The following BOP1 variants were observed in gnomAD, a reference collection of about 807,000 sequenced individuals.
BOP1 encodes BOP1 ribosomal biogenesis factor, also known as ribosome biogenesis protein BOP1.
Under a neutral mutation model 82.9 loss-of-function variants are expected in BOP1, and 54 were observed. The ratio of observed to expected loss-of-function variants is 0.65; its 90% confidence interval spans 0.52 to 0.82. BOP1 has a LOEUF of 0.82. Ranked by LOEUF, BOP1 falls within the 40% of genes least tolerant of loss-of-function variation. The pLI is 0.00. For synonymous variants in BOP1, 566 were observed against 451.1 expected, an observed-to-expected ratio of 1.25 and a Z score of -3.23; for missense variants, 1,170 against 1,072.0, an observed-to-expected ratio of 1.09 and a Z score of -1.28.
intron 3 of BOP1, among the ~76,000 whole-genome samples, chr8:144,273,858 G>A (rs1302860602): frequency 3.9e-5 from 6 of 151,982 alleles, no homozygotes; most frequent in South Asian, 4.1e-4. Flanking sequence ...GGCTCCGCCC[G>A]CCTCCCTCCG....
At chr8:144,272,898 A>G (rs1845513237) in intron 3 of BOP1, among the ~76,000 whole-genome samples, 3 of 152,110 alleles carry the variant, frequency 2.0e-5, no homozygotes. Context: ...ACCCACCCAC[A>G]GCCTGGGTAG....
intron 2 of BOP1, 57 bp from the exon 3 acceptor site, chr8:144,276,361 T>TG (rs1845568127): frequency 1.9e-6 from 3 of 1,589,090 alleles, no homozygotes; most frequent in African/African-American, 1.3e-5. Context: ...CCTTTGACCT[T>TG]GGGGGGATCC....
Position 144,273,119 on chromosome 8 carries a change from C to T in BOP1, c.390+3105G>A, listed in dbSNP as rs1471267632. Reference sequence around the variant, plus strand: ...CGCCGGGAAACCTGAGCCGAGGCCGCGCCGCCAGCAGCGACGCAAGCCTGA... The same window carrying T: ...CGCCGGGAAACCTGAGCCGAGGCCGTGCCGCCAGCAGCGACGCAAGCCTGA... On this transcript the variant is annotated intron_variant, in intron 3 of 15. Transcript: ENST00000569669. Among the ~76,000 whole-genome samples the T allele has an allele frequency of 2.6e-5, 4 of 152,258 alleles. No individual in the cohort carries two copies. The East Asian group carries it at 7.7e-4, about 29-fold the overall frequency.
In BOP1 at chr8:144,263,997, C is replaced by T; in HGVS notation, c.1124G>A (p.Arg375Gln). ...CCCACACACCCTCATCTTGCGCTGC[C>T]GTGGGCACAGGTACAGGTCAAGGCA... ...ERCLDLYLCPRQRKMRVNVDP... is the reference protein window; with the variant it reads ...ERCLDLYLCPQQRKMRVNVDP... Residue 375 changes from arginine to glutamine, a missense_variant, in exon 8 of 16, where the codon CGG (arginine) becomes CAG (glutamine). By Grantham distance (43) the Arg-to-Gln change is conservative. Transcript: ENST00000569669. 4.3e-6 allele frequency: 7 copies of T among 1,609,336 alleles called. No individual in the cohort carries two copies. Among genetic ancestry groups the T allele is most frequent in the Non-Finnish European group, 5.1e-6 (6 of 1,179,782 alleles).
chr8:144,286,463 C>T (rs566147650), intron 2 of BOP1, among the ~76,000 whole-genome samples: 1 of 118,892 alleles, frequency 8.4e-6, no homozygotes, highest in Non-Finnish European at 1.8e-5. Context: ...GGTGCATGGG[C>T]GCCACGGCAG....
In BOP1 at chr8:144,264,530, C is replaced by G. The variant is rs1159055553; in HGVS notation, c.750G>C (p.Leu250=). The G allele has an allele frequency of 1.9e-6, 3 of 1,610,228 alleles. No homozygotes were observed. Among genetic ancestry groups the G allele is most frequent in the Admixed American group, 1.7e-5 (1 of 59,764 alleles). The change falls in exon 6 of 16, where the codon CTG becomes CTC. Residue 250 remains leucine, a synonymous_variant. Transcript: ENST00000569669. ...PADKRSFIPS[L]VEKEKVSRMV... The stretch of plus-strand genomic sequence containing the variant: ...TGTGCCCCACCTTCTCCTTCTCCAC[C>G]AGGGAGGGGATGAAGCTGCGCTTGT...
chr8:144,290,451 G>A (rs1554840017), intron 1 of BOP1, among the ~76,000 whole-genome samples: 3 of 152,230 alleles, frequency 2.0e-5, no homozygotes, highest in African/African-American at 7.2e-5. Flanking sequence ...TCTCACTTAA[G>A]GTACGACCTG....
At chr8:144,273,338 G>C (rs1845522251) in intron 3 of BOP1, among the ~76,000 whole-genome samples, 1 of 151,260 alleles carries the variant, frequency 6.6e-6, no homozygotes, top group Non-Finnish European at 1.5e-5. Flanking sequence ...AGCCCAGGCA[G>C]GGTCAGGGGC....
At chr8:144,273,759 G>A (rs1475414721) in intron 3 of BOP1, among the ~76,000 whole-genome samples, 5 of 152,202 alleles carry the variant, frequency 3.3e-5, no homozygotes, top group African/African-American at 4.8e-5. Context: ...GTGGCCATGC[G>A]GGGGCGGGGC....
intron 2 of BOP1, among the ~76,000 whole-genome samples, chr8:144,283,425 A>T (rs548773470): frequency 6.6e-6 from 1 of 152,178 alleles, no homozygotes; most frequent in South Asian, 2.1e-4. Flanking sequence ...CAGGGAAGAG[A>T]CAGAAGGGCT....
chr8:144,279,808 G>A (rs948069267), intron 2 of BOP1, among the ~76,000 whole-genome samples: 2 of 152,172 alleles, frequency 1.3e-5, no homozygotes, highest in South Asian at 2.1e-4. Flanking sequence ...AGGAGACCAC[G>A]TCCTTGCAGC....
At chr8:144,287,176 A>T (rs1242329237) in intron 2 of BOP1, among the ~76,000 whole-genome samples, 1 of 152,086 alleles carries the variant, frequency 6.6e-6, no homozygotes, top group Non-Finnish European at 1.5e-5. Flanking sequence ...CGCCCAGCTA[A>T]TTTTTATATT....
intron 3 of BOP1, chr8:144,267,224 C>T: frequency 6.8e-7 from 1 of 1,478,518 alleles, no homozygotes; most frequent in Non-Finnish European, 8.9e-7. Flanking sequence ...TCCAACGCGC[C>T]CCTCAGCCCA....
At chr8:144,282,803 G>C (rs1374279084) in intron 2 of BOP1, among the ~76,000 whole-genome samples, 3 of 152,086 alleles carry the variant, frequency 2.0e-5, no homozygotes, top group Non-Finnish European at 4.4e-5. Context: ...GAGCTGCAAA[G>C]GGCACAGCCA....
At chr8:144,274,155 C>T (rs889402561) in intron 3 of BOP1, among the ~76,000 whole-genome samples, 20 of 152,258 alleles carry the variant, frequency 1.3e-4, no homozygotes, top group East Asian at 5.8e-4. Context: ...CTGCCACCCA[C>T]GCGCTCCAGC....
intron 2 of BOP1, among the ~76,000 whole-genome samples, chr8:144,286,657 G>A (rs1814885338): frequency 6.6e-6 from 1 of 152,260 alleles, no homozygotes; most frequent in South Asian, 2.1e-4. Flanking sequence ...AGGTGCATGA[G>A]CGCCACAACA....
intron 3 of BOP1, among the ~76,000 whole-genome samples, chr8:144,267,484 G>A (rs1211642432): frequency 5.3e-5 from 8 of 152,254 alleles, no homozygotes; most frequent in Non-Finnish European, 1.2e-4. Flanking sequence ...GGACCAGGCC[G>A]CTGCAAGCTT....
chr8:144,266,484 G>C, intron 3 of BOP1: 4 of 985,186 alleles, frequency 4.1e-6, no homozygotes, highest in South Asian at 9.3e-5. Flanking sequence ...CGCGACGCCC[G>C]GCAGCTGCCA....
Position 144,262,156 on chromosome 8 carries a change from C to CAGAG in BOP1, c.*7_*8insCTCT. 1 of 1,612,184 alleles carries CAGAG rather than the reference C, an allele frequency of 6.2e-7. No homozygotes were observed. On this transcript the variant is annotated 3_prime_UTR_variant, in exon 16 of 16. Transcript: ENST00000569669. ...CACGACCACCCCAGCCCCAGGCAGG[C>CAGAG]AGAACAGCTAGGTGAAGAGGCGGAC...
Sources: allele counts gnomAD v4.1 joint callset (sites outside exome capture counted in the v4.1 genomes callset), GRCh38; gene constraint gnomAD v4.1.1; transcripts MANE v1.5; gene names NCBI Gene and HGNC (gene_info 2026-07-23, HGNC 2026-07-21).